ZCCHC2: variants seen among roughly 807,000 people sequenced by gnomAD.
ZCCHC2 encodes zinc finger CCHC-type containing 2.
A neutral mutation model predicts 103.6 loss-of-function variants in ZCCHC2; 39 were observed. The ratio of observed to expected loss-of-function variants is 0.38; its 90% CI spans 0.29 to 0.49. The LOEUF (loss-of-function observed/expected upper bound fraction) is 0.49. ZCCHC2 is among the 20% of genes least tolerant of loss of function. The probability of loss-of-function intolerance (pLI) is 0.96; values close to 1 mark genes in which losing one functional copy is unlikely to be tolerated. For synonymous variants in ZCCHC2, 687 were observed against 608.9 expected, an observed-to-expected ratio of 1.13 and a Z score of -1.89; for missense variants, 1,483 against 1,491.0, an observed-to-expected ratio of 0.99 and a Z score of 0.09.
At chr18:62,555,668 C>T (rs184455264) in intron 5 of ZCCHC2, among the ~76,000 whole-genome samples, 10 of 152,228 alleles carry the variant, frequency 6.6e-5, no homozygotes, top group South Asian at 6.2e-4. Flanking sequence ...ATTAGCCAGG[C>T]GTGGTGGCAC....
At chr18:62,550,994 G>T (rs1230116267) in intron 5 of ZCCHC2, among the ~76,000 whole-genome samples, 2 of 152,204 alleles carry the variant, frequency 1.3e-5, no homozygotes, top group African/African-American at 2.4e-5. Flanking sequence ...AGCCTCCCAT[G>T]TGCTCACAGA....
chr18:62,533,872 CAAAAAAA>C (rs35039729), intron 1 of ZCCHC2, among the ~76,000 whole-genome samples: 1 of 99,564 alleles, frequency 1.0e-5, no homozygotes, highest in Non-Finnish European at 2.0e-5. Flanking sequence ...AACTCTGCCT[CAAAAAAA>C]AAAAAAAAAA....
chr18:62,565,825 T>A (rs879512733), intron 11 of ZCCHC2, among the ~76,000 whole-genome samples: 3 of 152,188 alleles, frequency 2.0e-5, no homozygotes, highest in Admixed American at 2.0e-4. Context: ...ATTAGTACAT[T>A]CAGTTGTGAT....
chr18:62,565,668 TTTTG>T (rs1439079350), intron 11 of ZCCHC2, among the ~76,000 whole-genome samples: 1 of 152,198 alleles, frequency 6.6e-6, no homozygotes, highest in African/African-American at 2.4e-5. Context: ...GCTTCATTGA[TTTTG>T]TTTATCTTCA....
chr18:62,523,284 A>G lies in ZCCHC2; in HGVS notation c.-141A>G, dbSNP rs1914129516. The G allele has an allele frequency of 2.0e-5, 11 of 551,724 alleles. No individual in the cohort carries two copies. Among genetic ancestry groups the G allele is most frequent in the Non-Finnish European group, 2.5e-5 (11 of 440,316 alleles). The allele number at this position is 551,724 out of a possible 1,614,324, so 34.2% of individuals were successfully genotyped here. On this transcript the variant is annotated 5_prime_UTR_variant, in exon 1 of 14. Coordinates refer to ENST00000269499, the MANE Select transcript of ZCCHC2 (RefSeq NM_017742.6). ...GCCACCGCCCCCCTCGCCGGCCGAGACCCGCCCCCGGCCCCGGCCCTCCCC... is the reference window on the plus strand; with the variant it reads ...GCCACCGCCCCCCTCGCCGGCCGAGGCCCGCCCCCGGCCCCGGCCCTCCCC...
In ZCCHC2 at chr18:62,576,599, C is replaced by G; in HGVS notation, c.*20C>G. 2 of 1,607,636 alleles carry G rather than the reference C, an allele frequency of 1.2e-6. No homozygotes were observed. The highest frequency in any genetic ancestry group is 1.7e-6 in the Non-Finnish European group (2 of 1,174,558). ...GACTGAAACGAGTAAAGCTTGCCTA[C>G]TTAATACACTCAAGTGTGGGGAGTC... On this transcript the variant is annotated 3_prime_UTR_variant, in exon 14 of 14. Coordinates refer to ENST00000269499, the MANE Select transcript of ZCCHC2 (RefSeq NM_017742.6).
intron 1 of ZCCHC2, among the ~76,000 whole-genome samples, chr18:62,527,924 A>G (rs60227805): frequency 0.02 from 3,079 of 152,334 alleles, 97 homozygotes; most frequent in African/African-American, 0.07. Context: ...CATGCAAGCA[A>G]TGTTTGCATA....
chr18:62,526,395 T>C (rs7227643), intron 1 of ZCCHC2: 61,879 of 152,138 alleles, frequency 0.41, 13,031 homozygotes, highest in East Asian at 0.71. Flanking sequence ...AGCAGTTGTT[T>C]AGGGTTACCG....
chr18:62,523,105 G>A lies in ZCCHC2; in HGVS notation c.-320G>A, dbSNP rs1364406878. The A allele has an allele frequency of 6.6e-6, 1 of 151,928 alleles. No homozygotes were observed. Among genetic ancestry groups the A allele is most frequent in the Non-Finnish European group, 1.5e-5 (1 of 68,046 alleles). The allele number at this position is 151,928 out of a possible 1,614,324, so 9.4% of individuals were successfully genotyped here. ...CCGCCGCCCCGGCTCAGCGCGGACG[G>A]CGGAGAGAGGGAGGCGGAAGGAGGA... On this transcript the variant is annotated 5_prime_UTR_variant, in exon 1 of 14. Coordinates refer to ENST00000269499, the MANE Select transcript of ZCCHC2 (RefSeq NM_017742.6).
chr18:62,555,752 G>A (rs1408599482), intron 5 of ZCCHC2, among the ~76,000 whole-genome samples: 4 of 151,924 alleles, frequency 2.6e-5, no homozygotes. Flanking sequence ...AGGTTGCAGT[G>A]AGCTGAGATC....
In ZCCHC2 at chr18:62,523,609, C is replaced by G; in HGVS notation, c.185C>G (p.Pro62Arg). 1 of 1,144,946 alleles carries G rather than the reference C, an allele frequency of 8.7e-7. No homozygotes were observed. Among genetic ancestry groups the G allele is most frequent in the Non-Finnish European group, 1.1e-6 (1 of 933,788 alleles). 70.9% of individuals were successfully genotyped at this position (1,144,946 alleles called of 1,614,324 possible). Residue 62 changes from proline to arginine, a missense_variant, in exon 1 of 14, where the codon CCG becomes CGG. Pro to Arg is a moderately radical substitution (Grantham distance 103, BLOSUM62 -2). Around this residue, in one of 3 missense-constraint regions of ZCCHC2, gnomAD observed 568 missense variants for 525.1 expected, o/e 1.08. Coordinates refer to ENST00000269499, the MANE Select transcript of ZCCHC2 (RefSeq NM_017742.6). ...GPSRGPLPPP[P>R]PPRGLGPPVA... ...TCGCGGGGCCCTCTGCCGCCGCCGC[C>G]GCCGCCCCGGGGACTCGGGCCGCCT...
intron 8 of ZCCHC2, 49 bp downstream of exon 8, chr18:62,560,693 T>C: frequency 7.0e-7 from 1 of 1,420,036 alleles, no homozygotes; most frequent in Non-Finnish European, 9.8e-7. Context: ...TGTTTTAAAA[T>C]CAATGTAACA....
At chr18:62,537,168 C>T (rs1328022890) in intron 1 of ZCCHC2, among the ~76,000 whole-genome samples, 1 of 152,134 alleles carries the variant, frequency 6.6e-6, no homozygotes, top group East Asian at 1.9e-4. Context: ...TACCTGGTAA[C>T]TACTATTCTA....
intron 1 of ZCCHC2, among the ~76,000 whole-genome samples, chr18:62,527,361 C>A (rs1392691053): frequency 6.6e-6 from 1 of 152,132 alleles, no homozygotes; most frequent in Non-Finnish European, 1.5e-5. Context: ...GGCCCAGCAA[C>A]TGTTAGTGAC....
At chr18:62,534,840 A>T (rs1029729917) in intron 1 of ZCCHC2, among the ~76,000 whole-genome samples, 5 of 152,232 alleles carry the variant, frequency 3.3e-5, no homozygotes, top group African/African-American at 1.2e-4. Context: ...TAGTTTTATT[A>T]GTTTGGGAAA....
chr18:62,564,895 T>C (rs996585083), intron 10 of ZCCHC2, 107 bp from the exon 11 acceptor site: 13 of 824,410 alleles, frequency 1.6e-5, no homozygotes, highest in Admixed American at 2.9e-5. Context: ...GATTATTCCT[T>C]ACTAAAAAAA....
intron 1 of ZCCHC2, among the ~76,000 whole-genome samples, chr18:62,532,508 A>T (rs1914729810): frequency 6.6e-6 from 1 of 152,182 alleles, no homozygotes; most frequent in South Asian, 2.1e-4. Flanking sequence ...TGAGTGACTG[A>T]TGGACCCTGG....
Position 62,576,895 on chromosome 18 carries a change from A to G in ZCCHC2, c.*316A>G, listed in dbSNP as rs1916867768. 2 of 210,010 alleles carry G rather than the reference A, an allele frequency of 9.5e-6. No homozygotes were observed. The highest frequency in any genetic ancestry group is 1.9e-4 in the South Asian group (2 of 10,552). The allele number at this position is 210,010 out of a possible 1,614,324, so 13.0% of individuals were successfully genotyped here. On this transcript the variant is annotated 3_prime_UTR_variant, in exon 14 of 14. Coordinates refer to ENST00000269499, the MANE Select transcript of ZCCHC2 (RefSeq NM_017742.6). Reference sequence around the variant, plus strand: ...ACTTGCTGTGTGCAATGTTTACTGAATCTTTAAAACTGTGTATTTGACCTT... The same window carrying G: ...ACTTGCTGTGTGCAATGTTTACTGAGTCTTTAAAACTGTGTATTTGACCTT...
At chr18:62,550,602 T>C in intron 5 of ZCCHC2, 142 bp downstream of exon 5, 2 of 634,424 alleles carry the variant, frequency 3.2e-6, no homozygotes, top group South Asian at 4.1e-5. Flanking sequence ...TTGTGCTATT[T>C]AGGTCTAGGC....
Sources: allele counts gnomAD v4.1 joint callset (sites outside exome capture counted in the v4.1 genomes callset), GRCh38; gene constraint gnomAD v4.1.1; regional missense constraint gnomAD v4.1.1; transcripts MANE v1.5; gene names NCBI Gene and HGNC (gene_info 2026-07-23, HGNC 2026-07-21).